The following TTC27 variants were observed in gnomAD, a reference collection of about 807,000 sequenced individuals.
TTC27 encodes tetratricopeptide repeat protein 27.
Under a neutral mutation model 115.9 loss-of-function variants are expected in TTC27, and 79 were observed. That is an observed-to-expected ratio of 0.68 (90% CI 0.57 to 0.82). The LOEUF is 0.82. Among genes scored for constraint, TTC27 ranks in the 40% least tolerant of loss-of-function variants. The pLI is 0.00. For missense variants in TTC27, 1,054 were observed against 993.1 expected (o/e 1.06, Z -0.82); for synonymous variants, 401 against 356.0 (o/e 1.13, Z -1.42).
In TTC27 at chr2:32,673,384, C is replaced by T. The variant is rs555731289; in HGVS notation, c.1052+1000C>T. Among the ~76,000 whole-genome samples, 230 of 151,996 alleles carry T rather than the reference C, an allele frequency of 1.5e-3. 1 individual carries two copies. The highest frequency in any genetic ancestry group is 3.0e-3 in the Non-Finnish European group (204 of 68,010). The stretch of plus-strand genomic sequence containing the variant: ...GGATTACAGGCGCACACCACCATGC[C>T]CGGCTAATTTTTTTGTATTTTTAGT... On this transcript the variant is annotated intron_variant, in intron 8 of 19. Transcript: ENST00000317907.
At chr2:32,761,530 C>G (rs1669436917) in intron 13 of TTC27, among the ~76,000 whole-genome samples, 2 of 152,110 alleles carry the variant, frequency 1.3e-5, no homozygotes, top group African/African-American at 4.8e-5. Context: ...ACTTCTTCCT[C>G]CTTCCTCCAA....
At chr2:32,786,394 C>T (rs575908844) in intron 15 of TTC27, among the ~76,000 whole-genome samples, 85 of 152,128 alleles carry the variant, frequency 5.6e-4, no homozygotes, top group Middle Eastern at 3.4e-3. Context: ...CCACCTCAGC[C>T]ACTCAAAAAG....
intron 18 of TTC27, 66 bp from the exon 19 acceptor site, chr2:32,817,391 C>G: frequency 7.5e-7 from 1 of 1,338,956 alleles, no homozygotes; most frequent in Non-Finnish European, 1.1e-6. Context: ...AAATAATTGG[C>G]TTTTGTACCT....
At chr2:32,722,064 A>T (rs927989531) in intron 10 of TTC27, among the ~76,000 whole-genome samples, 1 of 152,182 alleles carries the variant, frequency 6.6e-6, no homozygotes, top group Non-Finnish European at 1.5e-5. Flanking sequence ...TTCACTTTAT[A>T]GGAGGGGAAG....
At chr2:32,766,435 T>C in intron 13 of TTC27, 1 of 418,996 alleles carries the variant, frequency 2.4e-6, no homozygotes, top group South Asian at 1.9e-5. Flanking sequence ...GTAGGGTTAT[T>C]AATTGTCTAA....
At chr2:32,723,023 A>G (rs1261620380) in intron 10 of TTC27, among the ~76,000 whole-genome samples, 3 of 152,214 alleles carry the variant, frequency 2.0e-5, no homozygotes, top group South Asian at 2.1e-4. Flanking sequence ...AACACACAAT[A>G]TAAAGGAACC....
intron 13 of TTC27, among the ~76,000 whole-genome samples, chr2:32,766,775 A>G (rs894896464): frequency 2.6e-5 from 4 of 152,122 alleles, no homozygotes; most frequent in African/African-American, 9.6e-5. Context: ...TTCACCTCAT[A>G]TTGCTTTATT....
chr2:32,804,312 A>G (rs1671058379), intron 16 of TTC27, among the ~76,000 whole-genome samples: 1 of 152,186 alleles, frequency 6.6e-6, no homozygotes, highest in Admixed American at 6.5e-5. Context: ...GTCTTAAAAT[A>G]TTTATTCTCT....
At chr2:32,651,261 G>C (rs1319321489) in intron 5 of TTC27, among the ~76,000 whole-genome samples, 1 of 152,192 alleles carries the variant, frequency 6.6e-6, no homozygotes, top group East Asian at 1.9e-4. Flanking sequence ...CTTGATGGAG[G>C]TAGCACATTC....
At chr2:32,733,711 C>G in intron 10 of TTC27, 117 bp from the exon 11 acceptor site, 1 of 562,410 alleles carries the variant, frequency 1.8e-6, no homozygotes, top group South Asian at 4.2e-5. Flanking sequence ...ATCACCTTAT[C>G]AAAATGACTT....
chr2:32,816,349 G>A (rs547241619), intron 18 of TTC27, among the ~76,000 whole-genome samples: 217 of 152,032 alleles, frequency 1.4e-3, no homozygotes, highest in African/African-American at 5.0e-3. Flanking sequence ...TCTATCCTTG[G>A]TCTACAATCT....
intron 13 of TTC27, among the ~76,000 whole-genome samples, chr2:32,766,231 T>C (rs12616557): frequency 0.055 from 8,405 of 152,276 alleles, 361 homozygotes; most frequent in East Asian, 0.19. Context: ...AATACAGGTA[T>C]ATGTTGTATT....
chr2:32,683,037 A>G (rs1304559828), intron 9 of TTC27, among the ~76,000 whole-genome samples: 4 of 151,228 alleles, frequency 2.6e-5, no homozygotes, highest in Non-Finnish European at 4.4e-5. Context: ...TGTGTTTTTC[A>G]GTAAAGATGG....
At chr2:32,758,659 C>A (rs1446078744) in intron 13 of TTC27, 140 bp downstream of exon 13, 4 of 754,542 alleles carry the variant, frequency 5.3e-6, no homozygotes, top group African/African-American at 1.8e-5. Flanking sequence ...CTCTAATAGA[C>A]TTTTTGCTTG....
intron 11 of TTC27, 50 bp from the exon 12 acceptor site, chr2:32,736,644 A>G (rs1255365900): frequency 6.2e-7 from 1 of 1,608,790 alleles, no homozygotes; most frequent in Non-Finnish European, 8.5e-7. Flanking sequence ...TGAAACAGGA[A>G]TCTCTTTTTA....
chr2:32,781,282 T>C (rs539539513), intron 14 of TTC27, among the ~76,000 whole-genome samples: 1 of 152,374 alleles, frequency 6.6e-6, no homozygotes, highest in Admixed American at 6.5e-5. Flanking sequence ...TGTTTTCCTT[T>C]AAATCTTTGA....
At chr2:32,636,362 C>T (rs1016211849) in intron 3 of TTC27, among the ~76,000 whole-genome samples, 7 of 152,110 alleles carry the variant, frequency 4.6e-5, no homozygotes, top group African/African-American at 1.7e-4. Context: ...TACAGGTGCT[C>T]ACCACCACGC....
chr2:32,699,389 G>A (rs1010684855), intron 9 of TTC27, among the ~76,000 whole-genome samples: 4 of 152,212 alleles, frequency 2.6e-5, no homozygotes, highest in Admixed American at 6.5e-5. Flanking sequence ...ACTGGGGGGC[G>A]TGGTGAAGAC....
chr2:32,798,437 C>T (rs1670789663), intron 16 of TTC27, among the ~76,000 whole-genome samples: 1 of 149,324 alleles, frequency 6.7e-6, no homozygotes, highest in African/African-American at 2.5e-5. Flanking sequence ...GGCGCGGTGG[C>T]TCACGCCTGT....
Sources: gnomAD v4.1 joint callset for allele counts (sites outside exome capture counted in the v4.1 genomes callset) on GRCh38, gnomAD v4.1.1 for gene constraint, MANE v1.5 for transcripts, NCBI Gene and HGNC (gene_info 2026-07-23, HGNC 2026-07-21) for gene names.